Variants in LMX1B observed in about 807,000 individuals in gnomAD.
LMX1B encodes LIM homeobox transcription factor 1-beta.
Under a neutral mutation model 51.4 loss-of-function variants are expected in LMX1B, and 12 were observed. That is an observed-to-expected ratio of 0.23 (90% CI 0.15 to 0.38). The LOEUF (loss-of-function observed/expected upper bound fraction) is 0.38, where lower values mean the gene tolerates loss of function less well. Among genes scored for constraint, LMX1B ranks in the 10% least tolerant of loss-of-function variants. The probability of loss-of-function intolerance (pLI) is 1.00; values close to 1 mark genes in which losing one functional copy is unlikely to be tolerated. For synonymous variants in LMX1B, 237 were observed against 235.4 expected (o/e 1.01, Z -0.06); for missense variants, 445 against 571.1 (o/e 0.78, Z 2.25).
At chr9:126,650,990 T>C (rs988547895) in intron 2 of LMX1B, among the ~76,000 whole-genome samples, 9 of 152,166 alleles carry the variant, frequency 5.9e-5, no homozygotes, top group Non-Finnish European at 7.3e-5. Flanking sequence ...AACGGAATTG[T>C]TTATTATAAG....
At position 126,615,702 on chromosome 9, in the gene LMX1B, G is replaced by T. The variant is rs1025145861; in HGVS notation, c.326+133G>T. ...TGGGCCGGGCAGCTCCAAGGGTTCC[G>T]AGAGCTGCGCGTCTTGGGGCTGGGG... On this transcript the variant is annotated intron_variant, in intron 2 of 7. Coordinates refer to ENST00000373474, the MANE Select transcript of LMX1B (RefSeq NM_001174147.2). This position sits in a 1 kb window ranked among gnomAD's most constrained non-coding sequence, Gnocchi z 6.0. 8.2e-5 allele frequency: 64 copies of T among 778,200 alleles called. No homozygotes were observed. The African/African-American group carries it at 9.0e-4, about 11-fold the overall frequency. 48.2% of individuals were successfully genotyped at this position (778,200 alleles called of 1,614,324 possible).
intron 2 of LMX1B, among the ~76,000 whole-genome samples, chr9:126,661,857 C>G (rs534447963): frequency 2.0e-5 from 3 of 152,204 alleles, no homozygotes; most frequent in Admixed American, 1.3e-4. Flanking sequence ...GCCCCCTGGC[C>G]CAGTGGCCCC....
Position 126,619,032 on chromosome 9 carries a change from C to A in LMX1B, c.326+3463C>A, listed in dbSNP as rs576176224. 8.5e-5 allele frequency among the ~76,000 whole-genome samples: 13 copies of A among 152,240 alleles called. No homozygotes were observed. In the South Asian group the frequency reaches 2.1e-3, roughly 24 times the overall value. ...CCGAGCCTCTCGGCGACACAGACTTCAGGGCTCCGCCGGGCCCGCTGGGGG... is the reference window on the plus strand; with the variant it reads ...CCGAGCCTCTCGGCGACACAGACTTAAGGGCTCCGCCGGGCCCGCTGGGGG... On this transcript the variant is annotated intron_variant, in intron 2 of 7. Coordinates refer to ENST00000373474, the MANE Select transcript of LMX1B (RefSeq NM_001174147.2).
intron 2 of LMX1B, among the ~76,000 whole-genome samples, chr9:126,637,176 G>GTGCTCTGGAACC (rs1348873972): frequency 2.4e-4 from 37 of 152,362 alleles, no homozygotes; most frequent in African/African-American, 7.5e-4. Context: ...GGTGGGCGGT[G>GTGCTCTGGAACC]GCACTGTGCT....
rs529645669 is a variant in LMX1B at position 126,671,354 on chromosome 9, G to A, written c.327-19482G>A. ...AATGAGGTGCGCCAGCAGAAGGCCC[G>A]CCAGGCCCACAGCCCTCCCCTCCCA... On this transcript the variant is annotated intron_variant, in intron 2 of 7. Coordinates refer to ENST00000373474, the MANE Select transcript of LMX1B (RefSeq NM_001174147.2). The surrounding 1 kb of genome is among the most constrained non-coding windows in gnomAD (Gnocchi z 4.4). Among the ~76,000 whole-genome samples the A allele has an allele frequency of 6.6e-6, 1 of 152,098 alleles. No individual in the cohort carries two copies. Among genetic ancestry groups the A allele is most frequent in the Non-Finnish European group, 1.5e-5 (1 of 68,002 alleles).
chr9:126,621,986 G>A (rs935080947), intron 2 of LMX1B, among the ~76,000 whole-genome samples: 4 of 152,118 alleles, frequency 2.6e-5, no homozygotes, highest in Non-Finnish European at 4.4e-5. Context: ...AAATTTCTGC[G>A]TGGGCCCTTC....
chr9:126,669,553 C>T (rs1306675140), intron 2 of LMX1B, among the ~76,000 whole-genome samples: 1 of 152,218 alleles, frequency 6.6e-6, no homozygotes, highest in East Asian at 1.9e-4. Flanking sequence ...CGTTTTGACG[C>T]GTCTTGTTTG....
Position 126,695,909 on chromosome 9 carries a change from C to G in LMX1B, c.957C>G (p.Ile319Met), listed in dbSNP as rs755012584. ...CGCTGGCCCCACCACAGCAGCAGATCGTGGCCATGGAACAGAGCCCCTACG... is the reference window on the plus strand; with the variant it reads ...CGCTGGCCCCACCACAGCAGCAGATGGTGGCCATGGAACAGAGCCCCTACG... ...YTPLAPPQQQ[I>M]VAMEQSPYGS... is the part of the protein sequence containing the mutation. The change falls in exon 7 of 8, where the codon ATC (isoleucine) becomes ATG (methionine). Residue 319 changes from isoleucine to methionine, a missense_variant. Transcript: ENST00000373474. The surrounding 1 kb of genome is among the most constrained non-coding windows in gnomAD (Gnocchi z 5.2). 1.9e-6 allele frequency: 3 copies of G among 1,613,402 alleles called. No homozygotes were observed. Among genetic ancestry groups the G allele is most frequent in the Non-Finnish European group, 1.7e-6 (2 of 1,179,802 alleles).
In LMX1B at chr9:126,700,899, G is replaced by T. The variant is rs1180353930; in HGVS notation, c.*4448G>T. 1 of 152,112 alleles carries T rather than the reference G, an allele frequency of 6.6e-6. No homozygotes were observed. Among genetic ancestry groups the T allele is most frequent in the Non-Finnish European group, 1.5e-5 (1 of 68,028 alleles). The allele number at this position is 152,112 out of a possible 1,614,324, so 9.4% of individuals were successfully genotyped here. On this transcript the variant is annotated 3_prime_UTR_variant, in exon 8 of 8. Coordinates refer to ENST00000373474, the MANE Select transcript of LMX1B (RefSeq NM_001174147.2). The stretch of plus-strand genomic sequence containing the variant: ...TGTCATTGTTAAATTATTTATTAGC[G>T]TTTACCACACCACCACCCCCACCCT...
chr9:126,625,674 C>T lies in LMX1B; in HGVS notation c.326+10105C>T, dbSNP rs1316709036. On this transcript the variant is annotated intron_variant, in intron 2 of 7. Coordinates refer to ENST00000373474, the MANE Select transcript of LMX1B (RefSeq NM_001174147.2). The surrounding 1 kb of genome is among the most constrained non-coding windows in gnomAD (Gnocchi z 5.3). The stretch of plus-strand genomic sequence containing the variant: ...CCACCCCCACGGAAACCCTCTTCTC[C>T]GCCAGGCCCGTGGCGCCTTTCTCGC... Among the ~76,000 whole-genome samples, 1 of 152,218 alleles carries T rather than the reference C, an allele frequency of 6.6e-6. No individual in the cohort carries two copies. Among genetic ancestry groups the T allele is most frequent in the African/African-American group, 2.4e-5 (1 of 41,464 alleles).
chr9:126,634,281 CCTT>C (rs1835676916), intron 2 of LMX1B, among the ~76,000 whole-genome samples: 1 of 152,188 alleles, frequency 6.6e-6, no homozygotes. Context: ...GACTGGAAAG[CCTT>C]CTTGCCCAGC....
intron 2 of LMX1B, among the ~76,000 whole-genome samples, chr9:126,620,410 G>A (rs1426744474): frequency 2.6e-5 from 4 of 152,300 alleles, no homozygotes; most frequent in East Asian, 3.9e-4. Flanking sequence ...GACTTTGCAG[G>A]GTGGTTGTGA....
intron 2 of LMX1B, among the ~76,000 whole-genome samples, chr9:126,683,321 G>A (rs1446918828): frequency 1.3e-5 from 2 of 151,906 alleles, no homozygotes; most frequent in East Asian, 1.9e-4. Context: ...GCCCGCGGCC[G>A]CCGCATCAAA....
At chr9:126,680,116 C>G (rs1213444572) in intron 2 of LMX1B, among the ~76,000 whole-genome samples, 1 of 152,254 alleles carries the variant, frequency 6.6e-6, no homozygotes, top group Non-Finnish European at 1.5e-5. Flanking sequence ...TGTCAGCCCT[C>G]TGGACTGTGG....
intron 2 of LMX1B, among the ~76,000 whole-genome samples, chr9:126,617,580 G>A (rs1190276561): frequency 1.3e-5 from 2 of 151,958 alleles, no homozygotes; most frequent in Non-Finnish European, 2.9e-5. Flanking sequence ...CCTTAGAGAT[G>A]AGCGGCTCAC....
At position 126,696,406 on chromosome 9, in the gene LMX1B, C is replaced by T. The variant is rs148356178; in HGVS notation, c.1164C>T (p.Pro388=). ...VGSLQARVGN[P]IDRLYSMQSS... ...CCCTGCAGGCCCGCGTGGGGAACCC[C>T]ATCGACCGGCTCTACTCCATGCAGA... Residue 388 remains proline, a synonymous_variant, in exon 8 of 8, where the codon CCC becomes CCT. Coordinates refer to ENST00000373474, the MANE Select transcript of LMX1B (RefSeq NM_001174147.2). The T allele has an allele frequency of 1.9e-6, 3 of 1,613,994 alleles. No individual in the cohort carries two copies. In the African/African-American group the frequency reaches 4.0e-5, roughly 22 times the overall value.
Position 126,673,994 on chromosome 9 carries a change from G to A in LMX1B, c.327-16842G>A, listed in dbSNP as rs548091020. Among the ~76,000 whole-genome samples the A allele has an allele frequency of 1.8e-3, 281 of 152,238 alleles. 1 individual carries two copies. The highest frequency in any genetic ancestry group is 6.6e-3 in the African/African-American group (272 of 41,526). On this transcript the variant is annotated intron_variant, in intron 2 of 7. Transcript: ENST00000373474. This position sits in a 1 kb window ranked among gnomAD's most constrained non-coding sequence, Gnocchi z 4.4. ...TGCTGGCTGATAGATGGGGATGGGC[G>A]GACTGTTAACCCCTCGTTGCCTGCA...
chr9:126,681,900 C>CAA (rs1284203389), intron 2 of LMX1B, among the ~76,000 whole-genome samples: 1 of 139,068 alleles, frequency 7.2e-6, no homozygotes, highest in African/African-American at 2.8e-5. Context: ...GACTCCATCT[C>CAA]AAAAAAAAAA....
rs1459296694 is a variant in LMX1B, at chr9:126,673,485, C to T, written c.327-17351C>T. On this transcript the variant is annotated intron_variant, in intron 2 of 7. Transcript: ENST00000373474. The surrounding 1 kb of genome is among the most constrained non-coding windows in gnomAD (Gnocchi z 4.4). ...TAACCCAGGGCTCCCTCAGGTAGGG[C>T]AGAAGGTAGCTTTTGGCACCATCAG... is the stretch of plus-strand genomic sequence containing the variant. 6.6e-6 allele frequency among the ~76,000 whole-genome samples: 1 copy of T among 152,146 alleles called. No individual in the cohort carries two copies. The highest frequency in any genetic ancestry group is 2.4e-5 in the African/African-American group (1 of 41,420).
Sources: allele counts gnomAD v4.1 joint callset (sites outside exome capture counted in the v4.1 genomes callset), GRCh38; gene constraint gnomAD v4.1.1; non-coding constraint Gnocchi (gnomAD v3.1); transcripts MANE v1.5; gene names NCBI Gene and HGNC (gene_info 2026-07-23, HGNC 2026-07-21).